The following PIEZO2 variants were observed in gnomAD, a reference collection of about 807,000 sequenced individuals.
PIEZO2 encodes the protein piezo-type mechanosensitive ion channel component 2.
Under a neutral mutation model 337.3 loss-of-function variants are expected in PIEZO2, and 172 were observed. That is an observed-to-expected ratio of 0.51 (90% confidence interval 0.45 to 0.58). PIEZO2 has a LOEUF of 0.58. PIEZO2 is among the 20% of genes least tolerant of loss of function. The pLI, the probability that PIEZO2 is intolerant of heterozygous loss-of-function variation, is 0.00. For synonymous variants in PIEZO2, 1,251 were observed against 1,228.5 expected (o/e 1.02, Z -0.38); for missense variants, 3,028 against 3,391.3 (o/e 0.89, Z 2.66).
intron 2 of PIEZO2, among the ~76,000 whole-genome samples, chr18:11,019,006 C>G (rs1051965522): frequency 6.6e-6 from 1 of 152,104 alleles, no homozygotes; most frequent in South Asian, 2.1e-4. Flanking sequence ...AGGACGGAGC[C>G]TTGATTTTTT....
Position 10,759,707 on chromosome 18 carries a change from C to T in PIEZO2, c.3653G>A (p.Arg1218Gln), listed in dbSNP as rs757181452. Residue 1218 changes from arginine to glutamine, a missense_variant and splice_region_variant, in exon 25 of 56, where the codon CGA (arginine) becomes CAA (glutamine). This residue lies in a region of PIEZO2 where 1,925 missense variants were observed against 2,051.9 expected (regional missense o/e 0.94). Coordinates refer to ENST00000674853, the MANE Select transcript of PIEZO2 (RefSeq NM_001378183.1). This position sits in a 1 kb window ranked among gnomAD's most constrained non-coding sequence, Gnocchi z 5.5. ...GCTCAAGGGAAGGGCAGGCTCACCTCGGCAAGGAGCAGGTGGGATGCCAAT... is the reference window on the plus strand; with the variant it reads ...GCTCAAGGGAAGGGCAGGCTCACCTTGGCAAGGAGCAGGTGGGATGCCAAT... ...ICIGIPPAPCRDYPWRFKGAS... is the reference protein window; with the variant it reads ...ICIGIPPAPCQDYPWRFKGAS... The T allele has an allele frequency of 4.2e-5, 65 of 1,537,108 alleles. 2 individuals carry two copies. The highest frequency in any genetic ancestry group is 2.1e-4 in the South Asian group (18 of 84,066).
Position 11,096,394 on chromosome 18 carries a change from C to T in PIEZO2, c.65-30172G>A, listed in dbSNP as rs2039264481. On this transcript the variant is annotated intron_variant, in intron 1 of 55. Transcript: ENST00000674853. This position sits in a 1 kb window ranked among gnomAD's most constrained non-coding sequence, Gnocchi z 4.6. ...AAGGCATCAGGCTTACAAAGGTGGA[C>T]ATCAGAGCAGAAATCCAGGAGCCTG... 6.6e-6 allele frequency among the ~76,000 whole-genome samples: 1 copy of T among 152,228 alleles called. No individual in the cohort carries two copies. Among genetic ancestry groups the T allele is most frequent in the Admixed American group, 6.5e-5 (1 of 15,282 alleles).
chr18:10,928,755 A>C (rs915140136), intron 3 of PIEZO2, among the ~76,000 whole-genome samples: 2 of 152,216 alleles, frequency 1.3e-5, no homozygotes, highest in Non-Finnish European at 2.9e-5. Flanking sequence ...ATTTGTGGCC[A>C]TCTTCCTTGG....
rs8096811 is a variant in PIEZO2, at chr18:11,146,333, T to G, written c.64+2192A>C. Among the ~76,000 whole-genome samples, 1 of 152,082 alleles carries G rather than the reference T, an allele frequency of 6.6e-6. No individual in the cohort carries two copies. Among genetic ancestry groups the G allele is most frequent in the East Asian group, 1.9e-4 (1 of 5,154 alleles). ...GGCAGCGGGAGCCCCCAGCCTGCCC[T>G]GGGGCACAAGCCAGCCAGCAGGAGG... On this transcript the variant is annotated intron_variant, in intron 1 of 55. Coordinates refer to ENST00000674853, the MANE Select transcript of PIEZO2 (RefSeq NM_001378183.1). The surrounding 1 kb of genome is among the most constrained non-coding windows in gnomAD (Gnocchi z 6.1).
At chr18:10,868,044 G>A (rs2042050519) in intron 5 of PIEZO2, among the ~76,000 whole-genome samples, 1 of 152,182 alleles carries the variant, frequency 6.6e-6, no homozygotes, top group African/African-American at 2.4e-5. Context: ...GTTTTATGGG[G>A]AATCCTTGGA....
At chr18:11,135,141 A>G (rs891444487) in intron 1 of PIEZO2, among the ~76,000 whole-genome samples, 3 of 152,230 alleles carry the variant, frequency 2.0e-5, no homozygotes, top group Non-Finnish European at 4.4e-5. Flanking sequence ...GACTTTCACA[A>G]TAAGATTTCA....
chr18:10,706,992 G>A (rs2035614648), intron 40 of PIEZO2, among the ~76,000 whole-genome samples: 1 of 152,186 alleles, frequency 6.6e-6, no homozygotes, highest in Admixed American at 6.5e-5. Context: ...CCTTGGCAGA[G>A]CGGCTCACGG....
chr18:10,997,875 A>T (rs1365324238), intron 2 of PIEZO2, among the ~76,000 whole-genome samples: 1 of 152,170 alleles, frequency 6.6e-6, no homozygotes, highest in African/African-American at 2.4e-5. Flanking sequence ...GTATTTTAAC[A>T]TTCCAGAAAT....
Position 11,125,310 on chromosome 18 carries a change from G to A in PIEZO2, c.64+23215C>T, listed in dbSNP as rs561346104. ...ATGTTTTAAAAACTACGATGTGTCC[G>A]ACAAAAGACAGTGCTGTTAAGTCAT... On this transcript the variant is annotated intron_variant, in intron 1 of 55. Coordinates refer to ENST00000674853, the MANE Select transcript of PIEZO2 (RefSeq NM_001378183.1). This position sits in a 1 kb window ranked among gnomAD's most constrained non-coding sequence, Gnocchi z 4.4. 6.3e-4 allele frequency among the ~76,000 whole-genome samples: 96 copies of A among 152,280 alleles called. No individual in the cohort carries two copies. The highest frequency in any genetic ancestry group is 2.2e-3 in the African/African-American group (91 of 41,554).
At chr18:10,865,507 G>A (rs570356428) in intron 5 of PIEZO2, among the ~76,000 whole-genome samples, 1 of 152,252 alleles carries the variant, frequency 6.6e-6, no homozygotes, top group South Asian at 2.1e-4. Flanking sequence ...GGTGGTGACA[G>A]ACAAAGGCCC....
At chr18:10,739,330 T>C (rs1157771355) in intron 33 of PIEZO2, 1 of 152,216 alleles carries the variant, frequency 6.6e-6, no homozygotes, top group Non-Finnish European at 1.5e-5. Flanking sequence ...CTTGATATAA[T>C]GAGGGTGAAA....
In PIEZO2 at chr18:10,979,759, G is replaced by T. The variant is rs1415087438; in HGVS notation, c.161-99C>A. On this transcript the variant is annotated intron_variant, in intron 2 of 55. Coordinates refer to ENST00000674853, the MANE Select transcript of PIEZO2 (RefSeq NM_001378183.1). The surrounding 1 kb of genome is among the most constrained non-coding windows in gnomAD (Gnocchi z 4.0). Reference sequence around the variant, plus strand: ...TTCTGTATAACCTATTAGATAGACCGACTCAAAAGTATATGGAATGTAATA... The same window carrying T: ...TTCTGTATAACCTATTAGATAGACCTACTCAAAAGTATATGGAATGTAATA... The T allele has an allele frequency of 1.2e-5, 13 of 1,051,932 alleles. No homozygotes were observed. The highest frequency in any genetic ancestry group is 1.6e-5 in the Non-Finnish European group (13 of 798,108). 65.2% of individuals were successfully genotyped at this position (1,051,932 alleles called of 1,614,324 possible).
At chr18:10,776,733 A>C (rs953713392) in intron 18 of PIEZO2, among the ~76,000 whole-genome samples, 1 of 152,216 alleles carries the variant, frequency 6.6e-6, no homozygotes, top group African/African-American at 2.4e-5. Context: ...CTTTCGAGGC[A>C]GACCCAGCTG....
rs1244070875 is a variant in PIEZO2, at chr18:10,794,871, T to C, written c.1659A>G (p.Leu553=). ...SSPFMVVYGN[L]LLILQYIWSF... is the part of the protein sequence containing the mutation. Reference sequence around the variant, plus strand: ...TCCATATATACTGTAATATCAACAATAGGTTTCCATAAACCACCATGAAGG... The same window carrying C: ...TCCATATATACTGTAATATCAACAACAGGTTTCCATAAACCACCATGAAGG... Residue 553 remains leucine (L), a synonymous_variant, in exon 13 of 56, where the codon CTA becomes CTG. Transcript: ENST00000674853. The surrounding 1 kb of genome is among the most constrained non-coding windows in gnomAD (Gnocchi z 6.6). 6 of 1,537,446 alleles carry C rather than the reference T, an allele frequency of 3.9e-6. No individual in the cohort carries two copies. The Admixed American group carries it at 7.8e-5, about 20-fold the overall frequency.
chr18:10,861,253 A>G lies in PIEZO2; in HGVS notation c.493-4042T>C, dbSNP rs1297573010. 2.6e-5 allele frequency among the ~76,000 whole-genome samples: 4 copies of G among 152,250 alleles called. No homozygotes were observed. The highest frequency in any genetic ancestry group is 4.8e-5 in the African/African-American group (2 of 41,476). ...CTAAGGAGGAGGAAAGGCTGTAAAT[A>G]AAGATTTAACTTCCCTGGTTCCTGA... is the stretch of plus-strand genomic sequence containing the variant. On this transcript the variant is annotated intron_variant, in intron 5 of 55. Coordinates refer to ENST00000674853, the MANE Select transcript of PIEZO2 (RefSeq NM_001378183.1). The surrounding 1 kb of genome is among the most constrained non-coding windows in gnomAD (Gnocchi z 4.3).
rs1487742699 is a variant in PIEZO2, at chr18:10,735,349, C to T, written c.4816-19G>A. Among the ~76,000 whole-genome samples the T allele has an allele frequency of 6.6e-6, 1 of 152,122 alleles. No homozygotes were observed. Among genetic ancestry groups the T allele is most frequent in the Admixed American group, 6.5e-5 (1 of 15,282 alleles). On this transcript the variant is annotated intron_variant, in intron 34 of 55. Coordinates refer to ENST00000674853, the MANE Select transcript of PIEZO2 (RefSeq NM_001378183.1). The stretch of plus-strand genomic sequence containing the variant: ...TAGCTCTCTACAAAGAAGGACAAAG[C>T]AAGAGTAATTAGTAGAAAAAACCAA...
intron 1 of PIEZO2, among the ~76,000 whole-genome samples, chr18:11,068,179 C>G (rs960883214): frequency 2.0e-5 from 3 of 152,168 alleles, no homozygotes; most frequent in African/African-American, 2.4e-5. Context: ...CTTGGCCACC[C>G]AAAGTGCTGG....
At chr18:11,059,658 G>A (rs977379388) in intron 2 of PIEZO2, among the ~76,000 whole-genome samples, 35 of 152,278 alleles carry the variant, frequency 2.3e-4, no homozygotes, top group Non-Finnish European at 4.6e-4. Flanking sequence ...AAGAGACAAA[G>A]AAGGCCATTA....
At chr18:10,760,862 T>C (rs954135487) in intron 24 of PIEZO2, 49 bp downstream of exon 24, 4 of 1,452,748 alleles carry the variant, frequency 2.8e-6, no homozygotes, top group Non-Finnish European at 3.7e-6. Flanking sequence ...AGCAGTTCTT[T>C]GAATTTTCAT....
Sources: gnomAD v4.1 joint callset for allele counts (sites outside exome capture counted in the v4.1 genomes callset) on GRCh38, gnomAD v4.1.1 for gene constraint, gnomAD v4.1.1 regional missense constraint, Gnocchi (gnomAD v3.1) non-coding constraint, MANE v1.5 for transcripts, NCBI Gene and HGNC (gene_info 2026-07-23, HGNC 2026-07-21) for gene names.